The following TRPC4 variants were observed in gnomAD, a reference collection of about 807,000 sequenced individuals.
The protein encoded by TRPC4 is short transient receptor potential channel 4.
In TRPC4, 49 loss-of-function variants were observed where a neutral mutation model predicts 99.4. The observed-to-expected ratio is 0.49, with a 90% CI of 0.39 to 0.63. The LOEUF is 0.63. TRPC4 is among the 20% of genes least tolerant of loss of function. TRPC4 has a pLI of 0.00. For missense variants in TRPC4, 898 were observed against 1,152.9 expected (o/e 0.78, Z 3.20); for synonymous variants, 454 against 425.9 (o/e 1.07, Z -0.81).
intron 1 of TRPC4, among the ~76,000 whole-genome samples, chr13:37,863,443 C>T (rs1959528557): frequency 1.3e-5 from 2 of 151,542 alleles, no homozygotes; most frequent in East Asian, 3.9e-4. Flanking sequence ...TGTGTTTACA[C>T]ATATATACTT....
intron 1 of TRPC4, among the ~76,000 whole-genome samples, chr13:37,847,056 A>G (rs1408615873): frequency 6.6e-6 from 1 of 152,094 alleles, no homozygotes; most frequent in Non-Finnish European, 1.5e-5. Context: ...TAAATACATA[A>G]AGCAATTATT....
chr13:37,653,473 G>T (rs1052628049), intron 7 of TRPC4, among the ~76,000 whole-genome samples: 4 of 152,032 alleles, frequency 2.6e-5, no homozygotes, highest in Admixed American at 6.6e-5. Context: ...AAGGAAGAAA[G>T]AAAAAGAGAA....
intron 4 of TRPC4, among the ~76,000 whole-genome samples, chr13:37,675,700 T>G (rs1342665246): frequency 1.3e-5 from 2 of 152,096 alleles, no homozygotes; most frequent in Non-Finnish European, 2.9e-5. Flanking sequence ...CAGGAAAAAC[T>G]TTCCTGTACA....
rs546057016 is a variant in TRPC4, at chr13:37,738,688, C to T, written c.897+7249G>A. 1.2e-4 allele frequency among the ~76,000 whole-genome samples: 18 copies of T among 152,196 alleles called. No homozygotes were observed. The South Asian group carries it at 3.3e-3, about 28-fold the overall frequency. ...TAGATGAACAAAGGAATAGGGCCAACGTCAAGAGATGCCTGATATAAAGGC... is the reference window on the plus strand; with the variant it reads ...TAGATGAACAAAGGAATAGGGCCAATGTCAAGAGATGCCTGATATAAAGGC... On this transcript the variant is annotated intron_variant, in intron 3 of 10. Coordinates refer to ENST00000379705, the MANE Select transcript of TRPC4 (RefSeq NM_016179.4).
intron 3 of TRPC4, among the ~76,000 whole-genome samples, chr13:37,703,035 C>T (rs368637096): frequency 1.2e-4 from 18 of 152,114 alleles, no homozygotes; most frequent in African/African-American, 4.3e-4. Flanking sequence ...CAGCACTGTA[C>T]CCTTAGTAAA....
At chr13:37,645,637 C>T (rs1490935414) in intron 8 of TRPC4, among the ~76,000 whole-genome samples, 1 of 152,304 alleles carries the variant, frequency 6.6e-6, no homozygotes, top group African/African-American at 2.4e-5. Context: ...GAGGGCATTC[C>T]GGGATGTGAT....
chr13:37,649,752 A>AAAC lies in TRPC4; in HGVS notation c.2079+1512_2079+1513insGTT, dbSNP rs1392098161. On this transcript the variant is annotated intron_variant, in intron 8 of 10. Transcript: ENST00000379705. ...GTCTCAAAAAAAAAAAAAAAAAAAA[A>AAAC]AAAAAAAACAACAACAAAGAACTAA... Among the ~76,000 whole-genome samples the AAAC allele has an allele frequency of 2.5e-4, 35 of 137,802 alleles. 3 individuals carry two copies. The East Asian group carries it at 6.5e-3, about 26-fold the overall frequency. 90.4% of individuals were successfully genotyped at this position (137,802 alleles called of 152,430 possible).
At chr13:37,697,770 T>A (rs1485177756) in intron 3 of TRPC4, among the ~76,000 whole-genome samples, 1 of 152,194 alleles carries the variant, frequency 6.6e-6, no homozygotes, top group Non-Finnish European at 1.5e-5. Context: ...ATAGCATGAT[T>A]CCTATGAATG....
intron 1 of TRPC4, among the ~76,000 whole-genome samples, chr13:37,868,604 T>C (rs1392381591): frequency 6.6e-6 from 1 of 150,952 alleles, no homozygotes; most frequent in Non-Finnish European, 1.5e-5. Flanking sequence ...GGTGTTTTAT[T>C]AAAACTGAAA....
chr13:37,654,191 A>G (rs1370950646), intron 7 of TRPC4, among the ~76,000 whole-genome samples: 1 of 152,128 alleles, frequency 6.6e-6, no homozygotes, highest in Non-Finnish European at 1.5e-5. Flanking sequence ...TTGCTTGACA[A>G]AAAAACAGTA....
intron 2 of TRPC4, among the ~76,000 whole-genome samples, chr13:37,750,280 T>C (rs912089986): frequency 1.3e-5 from 2 of 152,144 alleles, no homozygotes; most frequent in African/African-American, 2.4e-5. Context: ...CTTATGAAGA[T>C]TTTATTTCTG....
intron 1 of TRPC4, among the ~76,000 whole-genome samples, chr13:37,797,193 T>TTAAAAA (rs1444556115): frequency 2.0e-5 from 3 of 151,040 alleles, no homozygotes; most frequent in African/African-American, 7.3e-5. Flanking sequence ...AATAAATTAA[T>TTAAAAA]TAAAAATAAA....
chr13:37,763,922 TAA>T (rs1308575323), intron 2 of TRPC4, among the ~76,000 whole-genome samples: 1 of 151,610 alleles, frequency 6.6e-6, no homozygotes, highest in Non-Finnish European at 1.5e-5. Context: ...ATGATGAAGT[TAA>T]AGATAAATGT....
chr13:37,783,870 T>C lies in TRPC4; in HGVS notation c.-27-510A>G, dbSNP rs1218972327. 3.3e-5 allele frequency among the ~76,000 whole-genome samples: 5 copies of C among 152,062 alleles called. No homozygotes were observed. The East Asian group carries it at 5.8e-4, about 18-fold the overall frequency. On this transcript the variant is annotated intron_variant, in intron 1 of 10. Coordinates refer to ENST00000379705, the MANE Select transcript of TRPC4 (RefSeq NM_016179.4). ...TATATTTGTTTTTTGTTTTGTTTTG[T>C]TTTGTTTTGTTTTTTTTGGTAGAGA...
At chr13:37,705,559 G>A (rs1244062397) in intron 3 of TRPC4, among the ~76,000 whole-genome samples, 2 of 151,896 alleles carry the variant, frequency 1.3e-5, no homozygotes, top group South Asian at 2.1e-4. Context: ...ATAAATATAT[G>A]CAGTTTTTAT....
intron 2 of TRPC4, among the ~76,000 whole-genome samples, chr13:37,759,269 G>A (rs1224731461): frequency 2.0e-5 from 3 of 151,822 alleles, no homozygotes; most frequent in Non-Finnish European, 4.4e-5. Flanking sequence ...ACAAATTTGA[G>A]ATGGGGTAAA....
At chr13:37,637,721 CT>C (rs1951580862) in intron 10 of TRPC4, 96 bp from the exon 11 acceptor site, 1 of 1,240,340 alleles carries the variant, frequency 8.1e-7, no homozygotes, top group Non-Finnish European at 1.1e-6. Flanking sequence ...GTTTTCACTC[CT>C]TTTTAAAAAC....
At chr13:37,654,793 G>A (rs936551360) in intron 7 of TRPC4, among the ~76,000 whole-genome samples, 7 of 152,156 alleles carry the variant, frequency 4.6e-5, no homozygotes, top group Non-Finnish European at 2.9e-5. Context: ...GCGCAGAGAT[G>A]AGCTGCTTGT....
intron 7 of TRPC4, among the ~76,000 whole-genome samples, chr13:37,654,437 C>T (rs1326974629): frequency 2.6e-5 from 4 of 152,080 alleles, no homozygotes; most frequent in South Asian, 2.1e-4. Context: ...CTTTGTCTTT[C>T]TTGTGCATTG....
Sources: allele counts gnomAD v4.1 joint callset (sites outside exome capture counted in the v4.1 genomes callset), GRCh38; gene constraint gnomAD v4.1.1; transcripts MANE v1.5; gene names NCBI Gene and HGNC (gene_info 2026-07-23, HGNC 2026-07-21).